GRK7: variants seen among roughly 807,000 people sequenced by gnomAD.
GRK7 encodes the protein rhodopsin kinase GRK7.
Under a neutral mutation model 34.1 loss-of-function variants are expected in GRK7, and 24 were observed. The observed-to-expected ratio is 0.70, with a 90% CI of 0.51 to 0.99. GRK7 has a LOEUF of 0.99. Ranked by LOEUF, GRK7 falls within the 50% of genes least tolerant of loss-of-function variation. GRK7 has a pLI of 0.00. For synonymous variants in GRK7, 256 were observed against 279.4 expected (o/e 0.92, Z 0.84); for missense variants, 644 against 707.3 (o/e 0.91, Z 1.02).
intron 5 of GRK7, among the ~76,000 whole-genome samples, 172 bp from the exon 6 acceptor site, chr3:141,816,542 T>A (rs1002524359): frequency 5.9e-5 from 9 of 152,338 alleles, no homozygotes; most frequent in Non-Finnish European, 1.3e-4. Flanking sequence ...TATACGGGAA[T>A]TTGGGGTGAT....
At position 141,780,412 on chromosome 3, in the gene GRK7, T is replaced by C. The variant is rs1361945863; in HGVS notation, c.651T>C (p.Tyr217=). The part of the protein sequence containing the change: ...AVQVKNTGKM[Y]ACKKLDKKRL... ...AGGTGAAAAACACTGGGAAGATGTA[T>C]GCCTGTAAGAAACTGGACAAGAAGC... Residue 217 remains tyrosine, a synonymous_variant, in exon 4 of 6, where the codon TAT becomes TAC. Coordinates refer to ENST00000682958, the MANE Select transcript of GRK7 (RefSeq NM_139209.3). The C allele has an allele frequency of 2.5e-6, 4 of 1,614,102 alleles. No individual in the cohort carries two copies. The African/African-American group carries it at 4.0e-5, about 16-fold the overall frequency.
At chr3:141,757,120 G>C in the GRK7 span, among the ~76,000 whole-genome samples, 1 of 134,870 alleles carries the variant, frequency 7.4e-6, no homozygotes, top group Non-Finnish European at 1.6e-5. Flanking sequence ...AATACGCTTA[G>C]ATCTTCTTCT....
At chr3:141,774,779 G>GATTATT (rs72103272) in intron 2 of GRK7, among the ~76,000 whole-genome samples, 99 bp downstream of exon 2, 566 of 147,854 alleles carry the variant, frequency 3.8e-3, no homozygotes, top group South Asian at 7.5e-3. Flanking sequence ...TCACCAGTCA[G>GATTATT]ATTATTATTA....
At chr3:141,788,396 G>A (rs940032834) in intron 4 of GRK7, among the ~76,000 whole-genome samples, 1 of 152,076 alleles carries the variant, frequency 6.6e-6, no homozygotes, top group Non-Finnish European at 1.5e-5. Context: ...GAGGTAATGC[G>A]GGCCTGAGGC....
chr3:141,785,938 CA>C (rs11328714), intron 4 of GRK7, among the ~76,000 whole-genome samples: 102,202 of 135,792 alleles, frequency 0.75, 37,927 homozygotes, highest in African/African-American at 0.85. Context: ...TACCCTGTCT[CA>C]AAAAAAAAAA....
intron 4 of GRK7, among the ~76,000 whole-genome samples, chr3:141,795,791 T>C (rs1423542138): frequency 6.7e-6 from 1 of 149,936 alleles, no homozygotes; most frequent in South Asian, 2.1e-4. Context: ...AAAAAAAAAA[T>C]AGCCTTGGAA....
At chr3:141,806,754 G>T (rs2107893393) in intron 4 of GRK7, among the ~76,000 whole-genome samples, 1 of 152,098 alleles carries the variant, frequency 6.6e-6, no homozygotes, top group African/African-American at 2.4e-5. Flanking sequence ...ATGGCAAGTT[G>T]TTTAATGAGT....
chr3:141,810,090 A>G (rs1711076969), intron 5 of GRK7, among the ~76,000 whole-genome samples: 1 of 152,208 alleles, frequency 6.6e-6, no homozygotes, highest in African/African-American at 2.4e-5. Flanking sequence ...GCCTGATCCA[A>G]TCAGTTGAAA....
intron 1 of GRK7, among the ~76,000 whole-genome samples, chr3:141,773,092 T>A (rs1463746737): frequency 6.9e-6 from 1 of 145,500 alleles, no homozygotes; most frequent in African/African-American, 2.6e-5. Context: ...ACTGAGATCA[T>A]GCCACTGCAC....
intron 3 of GRK7, among the ~76,000 whole-genome samples, chr3:141,779,409 C>CAAAAAAAAAAAAA (rs10626329): frequency 5.2e-5 from 5 of 96,428 alleles, no homozygotes; most frequent in South Asian, 4.0e-4. Flanking sequence ...GAGCAAGACT[C>CAAAAAAAAAAAAA]AAAAAAAAAA....
chr3:141,757,132 T>C, the GRK7 span, among the ~76,000 whole-genome samples: 42 of 121,620 alleles, frequency 3.5e-4, no homozygotes, highest in African/African-American at 1.3e-3. Context: ...TCTTCTTCTT[T>C]TTTTTTTTTT....
At chr3:141,799,422 A>T (rs1710927547) in intron 4 of GRK7, among the ~76,000 whole-genome samples, 1 of 152,034 alleles carries the variant, frequency 6.6e-6, no homozygotes, top group Non-Finnish European at 1.5e-5. Flanking sequence ...AGACCAGCCT[A>T]GCTAACATGG....
At chr3:141,807,435 G>A (rs1711046905) in intron 4 of GRK7, among the ~76,000 whole-genome samples, 1 of 152,124 alleles carries the variant, frequency 6.6e-6, no homozygotes, top group Admixed American at 6.6e-5. Context: ...GCCAAAACGG[G>A]TCGCATGGCC....
chr3:141,753,536 T>G, the GRK7 span, among the ~76,000 whole-genome samples: 1 of 152,180 alleles, frequency 6.6e-6, no homozygotes. Flanking sequence ...CAGTTCACAA[T>G]AGGGTTGGCG....
At chr3:141,750,028 AAG>A in the GRK7 span, among the ~76,000 whole-genome samples, 1 of 151,784 alleles carries the variant, frequency 6.6e-6, no homozygotes, top group Admixed American at 6.6e-5. Context: ...AAAAAAAAAA[AAG>A]AAATATGAAT....
At position 141,763,883 on chromosome 3, in the gene GRK7, C is replaced by T. The variant is rs907895353; in HGVS notation, c.-2070C>T. Among the ~76,000 whole-genome samples the T allele has an allele frequency of 2.0e-5, 3 of 152,266 alleles. No homozygotes were observed. The highest frequency in any genetic ancestry group is 4.1e-4 in the South Asian group (2 of 4,824). ...GTCCTCTTCCCTTCCCTACAAATTC[C>T]CTCCATTTTGTTTTCCCTAAAACCT... On this transcript the variant is annotated 5_prime_UTR_variant, in exon 1 of 6. Transcript: ENST00000682958.
intron 4 of GRK7, among the ~76,000 whole-genome samples, chr3:141,800,034 T>C (rs1309684754): frequency 1.3e-5 from 2 of 152,208 alleles, no homozygotes; most frequent in Non-Finnish European, 2.9e-5. Context: ...TAGAACTTAC[T>C]GACTGCCACT....
intron 5 of GRK7, among the ~76,000 whole-genome samples, chr3:141,816,224 T>C (rs530292260): frequency 3.9e-5 from 6 of 152,306 alleles, no homozygotes; most frequent in Middle Eastern, 6.8e-3. Context: ...ACACCAAGAT[T>C]ATTGTGGCAG....
intron 4 of GRK7, among the ~76,000 whole-genome samples, chr3:141,793,097 G>A (rs888757086): frequency 1.3e-5 from 2 of 152,174 alleles, no homozygotes; most frequent in African/African-American, 2.4e-5. Flanking sequence ...CTCTTCATTT[G>A]GCTGCTTATT....
Sources: allele counts gnomAD v4.1 joint callset (sites outside exome capture counted in the v4.1 genomes callset), GRCh38; gene constraint gnomAD v4.1.1; transcripts MANE v1.5; gene names NCBI Gene and HGNC (gene_info 2026-07-23, HGNC 2026-07-21).